SIGLEC5: variants seen among roughly 807,000 people sequenced by gnomAD.
The protein encoded by SIGLEC5 is sialic acid binding Ig like lectin 5.
A neutral mutation model predicts 45.9 loss-of-function variants in SIGLEC5; 34 were observed. The ratio of observed to expected loss-of-function variants is 0.74; its 90% CI spans 0.56 to 0.99. The LOEUF is 0.99. Among genes scored for constraint, SIGLEC5 ranks in the 50% least tolerant of loss-of-function variants. The pLI, the probability that SIGLEC5 is intolerant of heterozygous loss-of-function variation, is 0.00. For synonymous variants in SIGLEC5, 203 were observed against 258.6 expected (o/e 0.79, Z 2.06); for missense variants, 508 against 629.6 (o/e 0.81, Z 2.07).
intron 8 of SIGLEC5, among the ~76,000 whole-genome samples, chr19:51,619,024 G>A (rs544739507): frequency 3.2e-4 from 49 of 152,258 alleles, no homozygotes; most frequent in African/African-American, 1.2e-3. Flanking sequence ...GACATGTTGG[G>A]AAGATCTGTT....
At chr19:51,616,604 T>C (rs1349861231) in intron 8 of SIGLEC5, among the ~76,000 whole-genome samples, 1 of 151,798 alleles carries the variant, frequency 6.6e-6, no homozygotes, top group Admixed American at 6.6e-5. Flanking sequence ...AAGGTTAAGA[T>C]AGATGGAAGA....
rs551697689 is a variant in SIGLEC5 at position 51,625,316 on chromosome 19, T to G, written c.1464+716A>C. On this transcript the variant is annotated intron_variant, in intron 8 of 8. Transcript: ENST00000683636. ...AACAGGCTGAAGTGGCCACCTGGTGTGGGGCAAGGAACATGGGCCTGATTC... is the reference window on the plus strand; with the variant it reads ...AACAGGCTGAAGTGGCCACCTGGTGGGGGGCAAGGAACATGGGCCTGATTC... Among the ~76,000 whole-genome samples, 10 of 152,240 alleles carry G rather than the reference T, an allele frequency of 6.6e-5. No homozygotes were observed. In the East Asian group the frequency reaches 1.9e-3, roughly 29 times the overall value.
At chr19:51,625,135 T>G (rs923601900) in intron 8 of SIGLEC5, among the ~76,000 whole-genome samples, 1 of 152,008 alleles carries the variant, frequency 6.6e-6, no homozygotes, top group African/African-American at 2.4e-5. Context: ...ATACTGAGAT[T>G]AGAGCTGGAA....
Position 51,628,201 on chromosome 19 carries a change from C to G in SIGLEC5, c.740-110G>C, listed in dbSNP as rs114835415. On this transcript the variant is annotated intron_variant, in intron 4 of 8. Coordinates refer to ENST00000683636, the MANE Select transcript of SIGLEC5 (RefSeq NM_003830.4). ...TGACATCTCCCTCTCCTCCCCTGGC[C>G]TATGCTGGCTTGATTGCATCCTGGT... 1,460 of 1,261,230 alleles carry G rather than the reference C, an allele frequency of 1.2e-3. 11 individuals are homozygous for G. The African/African-American group carries it at 0.02, about 17-fold the overall frequency. The allele number at this position is 1,261,230 out of a possible 1,614,324, so 78.1% of individuals were successfully genotyped here.
rs1008168108 is a variant in SIGLEC5, at chr19:51,626,122, A to G, written c.1383-9T>C. 1 of 1,612,856 alleles carries G rather than the reference A, an allele frequency of 6.2e-7. No individual in the cohort carries two copies. The highest frequency in any genetic ancestry group is 8.5e-7 in the Non-Finnish European group (1 of 1,179,590). On this transcript the variant is annotated splice_polypyrimidine_tract_variant and intron_variant, in intron 7 of 8. Transcript: ENST00000683636. ...TCCTGCGGGCTTTCACTCTAAGGAA[A>G]GAAACCAGCACAGTGCAGCTGGGAC...
intron 3 of SIGLEC5, 30 bp downstream of exon 3, chr19:51,629,328 G>A: frequency 6.2e-7 from 1 of 1,611,176 alleles, no homozygotes; most frequent in Admixed American, 1.7e-5. Context: ...CTGCCCTTGA[G>A]GACTCAGCTG....
chr19:51,612,470 G>T, intron 8 of SIGLEC5, 48 bp from the exon 9 acceptor site: 1 of 1,354,010 alleles, frequency 7.4e-7, no homozygotes, highest in East Asian at 2.4e-5. Context: ...AAAGAGGCAG[G>T]TGTAGAATAA....
rs1230229273 is a variant in SIGLEC5 at position 51,612,138 on chromosome 19, G to A, written c.*93C>T. ...CAGTTAATGTTAACATTGCCACAAG[G>A]GCTCTTCGTGCTTCAGCAAGTGGTC... On this transcript the variant is annotated 3_prime_UTR_variant, in exon 9 of 9. Transcript: ENST00000683636. The A allele has an allele frequency of 5.2e-6, 5 of 967,546 alleles. No individual in the cohort carries two copies. Among genetic ancestry groups the A allele is most frequent in the South Asian group, 1.8e-5 (1 of 56,194 alleles). The allele number at this position is 967,546 out of a possible 1,614,324, so 59.9% of individuals were successfully genotyped here.
chr19:51,628,767 CGT>C (rs34312547), intron 4 of SIGLEC5, among the ~76,000 whole-genome samples: 33,751 of 138,810 alleles, frequency 0.24, 4,916 homozygotes, highest in Admixed American at 0.34. Flanking sequence ...TGTGTATGTG[CGT>C]GTGTGTGTGG....
intron 8 of SIGLEC5, among the ~76,000 whole-genome samples, chr19:51,613,810 C>T (rs1010280075): frequency 2.0e-5 from 3 of 151,988 alleles, no homozygotes; most frequent in African/African-American, 7.2e-5. Context: ...CGAACTCAGC[C>T]CTGTCTCCCC....
intron 8 of SIGLEC5, among the ~76,000 whole-genome samples, chr19:51,623,325 T>C (rs1983361275): frequency 6.6e-6 from 1 of 152,212 alleles, no homozygotes; most frequent in Non-Finnish European, 1.5e-5. Flanking sequence ...ATATTACAAC[T>C]AGGAACTTAT....
Position 51,627,836 on chromosome 19 carries a change from T to C in SIGLEC5, c.995A>G (p.Tyr332Cys). ...GCTCCAGCTGCCCCCACACTCACAG[T>C]AAACTGAGAGATTCAGAAAAATTTG... ...FLQIFLNLSV[Y>C]SLPQLLGPSC... Residue 332 changes from tyrosine (Y) to cysteine (C), a missense_variant and splice_region_variant, in exon 5 of 9, where the codon TAC becomes TGC. Coordinates refer to ENST00000683636, the MANE Select transcript of SIGLEC5 (RefSeq NM_003830.4). 3 of 1,600,728 alleles carry C rather than the reference T, an allele frequency of 1.9e-6. No homozygotes were observed. Among genetic ancestry groups the C allele is most frequent in the Non-Finnish European group, 2.6e-6 (3 of 1,173,060 alleles).
At position 51,615,722 on chromosome 19, in the gene SIGLEC5, G is replaced by A. The variant is rs1472853214; in HGVS notation, c.1465-3300C>T. On this transcript the variant is annotated intron_variant, in intron 8 of 8. Transcript: ENST00000683636. ...GCCTTACTGGGGTGATAGGAAGTGG[G>A]ACTGGTTGGGTGTGGTTTGGGTTCT... is the stretch of plus-strand genomic sequence containing the variant. Among the ~76,000 whole-genome samples, 4 of 152,348 alleles carry A rather than the reference G, an allele frequency of 2.6e-5. No individual in the cohort carries two copies. The East Asian group carries it at 5.8e-4, about 22-fold the overall frequency.
At position 51,611,280 on chromosome 19, in the gene SIGLEC5, G is replaced by A. The variant is rs1438846867; in HGVS notation, c.*951C>T. ...TTAGTTCAATTTTAGAGGAGGGAGA[G>A]TATAAGTTCTTTCTTCAGTCCACTC... is the stretch of plus-strand genomic sequence containing the variant. On this transcript the variant is annotated 3_prime_UTR_variant, in exon 9 of 9. Transcript: ENST00000683636. Among the ~76,000 whole-genome samples, 1 of 152,204 alleles carries A rather than the reference G, an allele frequency of 6.6e-6. No homozygotes were observed. Among genetic ancestry groups the A allele is most frequent in the Non-Finnish European group, 1.5e-5 (1 of 68,036 alleles).
intron 8 of SIGLEC5, among the ~76,000 whole-genome samples, chr19:51,625,297 C>A (rs1012083375): frequency 6.6e-6 from 1 of 152,222 alleles, no homozygotes; most frequent in African/African-American, 2.4e-5. Context: ...CAGAAACAGG[C>A]TGAAGTGGCC....
chr19:51,628,601 G>C (rs953147396), intron 4 of SIGLEC5, among the ~76,000 whole-genome samples: 5 of 150,240 alleles, frequency 3.3e-5, no homozygotes, highest in Non-Finnish European at 7.4e-5. Flanking sequence ...GTGCGTGTGC[G>C]GGTGTACGTA....
intron 8 of SIGLEC5, among the ~76,000 whole-genome samples, chr19:51,616,905 T>TAAAA (rs1568588478): frequency 2.0e-4 from 1 of 5,028 alleles, no homozygotes; most frequent in African/African-American, 1.3e-3. Flanking sequence ...AGTGAGACTG[T>TAAAA]CAAAAAAAAA....
intron 8 of SIGLEC5, 23 bp from the exon 9 acceptor site, chr19:51,612,445 T>C: frequency 6.4e-7 from 1 of 1,554,472 alleles, no homozygotes; most frequent in Non-Finnish European, 8.8e-7. Flanking sequence ...GAAGGAAAGG[T>C]GTCACAGTAG....
In SIGLEC5 at chr19:51,612,138, G is replaced by T; in HGVS notation, c.*93C>A. On this transcript the variant is annotated 3_prime_UTR_variant, in exon 9 of 9. Coordinates refer to ENST00000683636, the MANE Select transcript of SIGLEC5 (RefSeq NM_003830.4). Reference sequence around the variant, plus strand: ...CAGTTAATGTTAACATTGCCACAAGGGCTCTTCGTGCTTCAGCAAGTGGTC... The same window carrying T: ...CAGTTAATGTTAACATTGCCACAAGTGCTCTTCGTGCTTCAGCAAGTGGTC... 1 of 967,662 alleles carries T rather than the reference G, an allele frequency of 1.0e-6. No individual in the cohort carries two copies. The highest frequency in any genetic ancestry group is 1.5e-6 in the Non-Finnish European group (1 of 650,036). The allele number at this position is 967,662 out of a possible 1,614,324, so 59.9% of individuals were successfully genotyped here. A position where few individuals can be genotyped will look rare whatever the true frequency, so the allele number is the denominator to read the frequency against.
Sources: allele counts gnomAD v4.1 joint callset (sites outside exome capture counted in the v4.1 genomes callset), GRCh38; gene constraint gnomAD v4.1.1; transcripts MANE v1.5; gene names NCBI Gene and HGNC (gene_info 2026-07-23, HGNC 2026-07-21).